SLC18B1: variants seen among roughly 807,000 people sequenced by gnomAD.
The protein encoded by SLC18B1 is MFS-type transporter SLC18B1.
In SLC18B1, 62 loss-of-function variants were observed where a neutral mutation model predicts 53.9. That is an observed-to-expected ratio of 1.15 (90% confidence interval 0.94 to 1.42). The LOEUF is 1.42. SLC18B1 is among the 40% of genes most tolerant of loss of function. The probability of loss-of-function intolerance (pLI) is 0.00; values close to 1 mark genes in which losing one functional copy is unlikely to be tolerated. For synonymous variants in SLC18B1, 217 were observed against 200.9 expected (o/e 1.08, Z -0.68); for missense variants, 598 against 547.3 (o/e 1.09, Z -0.93).
intron 4 of SLC18B1, among the ~76,000 whole-genome samples, chr6:132,788,489 G>T (rs894559720): frequency 6.6e-6 from 1 of 151,894 alleles, no homozygotes; most frequent in African/African-American, 2.4e-5. Flanking sequence ...TGATATAACT[G>T]GTCCCCCAGA....
At chr6:132,788,828 G>GAAAAAAAAAA (rs1158922120) in intron 4 of SLC18B1, among the ~76,000 whole-genome samples, 1 of 70,256 alleles carries the variant, frequency 1.4e-5, no homozygotes, top group Non-Finnish European at 3.2e-5. Context: ...ATCTCAAAAA[G>GAAAAAAAAAA]AAAAAAAAAA....
Position 132,774,241 on chromosome 6 carries a change from G to T in SLC18B1, c.970C>A (p.Pro324Thr). 3 of 1,608,172 alleles carry T rather than the reference G, an allele frequency of 1.9e-6. No homozygotes were observed. Among genetic ancestry groups the T allele is most frequent in the Non-Finnish European group, 2.5e-6 (3 of 1,176,988 alleles). Residue 324 changes from proline (P) to threonine (T), a missense_variant, in exon 9 of 14, where the codon CCA becomes ACA. By Grantham distance (38) the Pro-to-Thr change is conservative. Transcript: ENST00000275227. ...AGCYMLLGPV[P>T]ILHIKSQLWL... is the part of the protein sequence containing the mutation. ...AATTACCTTTTAATATGCAAGATTG[G>T]GACAGGCCCTAAGAGCATGTAGCAC...
At chr6:132,787,944 G>A (rs1238771132) in intron 4 of SLC18B1, among the ~76,000 whole-genome samples, 1 of 151,856 alleles carries the variant, frequency 6.6e-6, no homozygotes, top group African/African-American at 2.4e-5. Flanking sequence ...GGCAAATCAC[G>A]AAGTCAGGAG....
In SLC18B1 at chr6:132,770,230, A is replaced by G. The variant is rs1294704020; in HGVS notation, c.*40T>C. On this transcript the variant is annotated 3_prime_UTR_variant, in exon 14 of 14. Transcript: ENST00000275227. ...TACGGTGATGTTTAAGGCCAGGAGCATTCATTTCTCAACCTTGTATCAATC... is the reference window on the plus strand; with the variant it reads ...TACGGTGATGTTTAAGGCCAGGAGCGTTCATTTCTCAACCTTGTATCAATC... The G allele has an allele frequency of 1.3e-6, 2 of 1,540,160 alleles. No individual in the cohort carries two copies. The highest frequency in any genetic ancestry group is 2.2e-5 in the East Asian group (1 of 44,500).
At chr6:132,792,640 A>G (rs1781580370) in intron 2 of SLC18B1, among the ~76,000 whole-genome samples, 1 of 152,170 alleles carries the variant, frequency 6.6e-6, no homozygotes, top group Admixed American at 6.5e-5. Flanking sequence ...AGATGAGGAC[A>G]GGAACTTGCA....
chr6:132,783,479 T>C (rs114229453), intron 6 of SLC18B1, among the ~76,000 whole-genome samples: 1 of 152,134 alleles, frequency 6.6e-6, no homozygotes, highest in African/African-American at 2.4e-5. Context: ...TCTGGCCCAG[T>C]TTATAATTTT....
At position 132,784,385 on chromosome 6, in the gene SLC18B1, T is replaced by A. The variant is rs570438210; in HGVS notation, c.502-296A>T. 2.1e-3 allele frequency among the ~76,000 whole-genome samples: 321 copies of A among 151,376 alleles called. 3 individuals are homozygous for A. The highest frequency in any genetic ancestry group is 7.4e-3 in the African/African-American group (305 of 41,260). Reference sequence around the variant, plus strand: ...AATACGAAAACTATGCATAAAAAAATCAAAAGATAAATGAAGAACAGAGAA... The same window carrying A: ...AATACGAAAACTATGCATAAAAAAAACAAAAGATAAATGAAGAACAGAGAA... On this transcript the variant is annotated intron_variant, in intron 5 of 13. Coordinates refer to ENST00000275227, the MANE Select transcript of SLC18B1 (RefSeq NM_052831.3).
intron 7 of SLC18B1, among the ~76,000 whole-genome samples, chr6:132,778,354 ACT>A (rs1486939203): frequency 6.6e-6 from 1 of 151,908 alleles, no homozygotes; most frequent in African/African-American, 2.4e-5. Flanking sequence ...ATATTATAAT[ACT>A]CTCTAAATCT....
intron 4 of SLC18B1, among the ~76,000 whole-genome samples, chr6:132,788,828 GAAA>G (rs1158922120): frequency 1.4e-5 from 1 of 70,270 alleles, no homozygotes; most frequent in Non-Finnish European, 3.2e-5. Flanking sequence ...ATCTCAAAAA[GAAA>G]AAAAAAAAAA....
At chr6:132,795,180 A>C (rs1582875561) in intron 2 of SLC18B1, among the ~76,000 whole-genome samples, 1 of 151,010 alleles carries the variant, frequency 6.6e-6, no homozygotes, top group Non-Finnish European at 1.5e-5. Flanking sequence ...AAAAAAAAAA[A>C]CAGTCTTATA....
chr6:132,796,390 G>A (rs754511710), intron 2 of SLC18B1, among the ~76,000 whole-genome samples: 67 of 146,692 alleles, frequency 4.6e-4, no homozygotes, highest in Middle Eastern at 3.4e-3. Flanking sequence ...CCCGGACGTG[G>A]TGGTAGGCGC....
intron 3 of SLC18B1, 80 bp from the exon 4 acceptor site, chr6:132,789,917 G>T: frequency 1.1e-6 from 1 of 938,214 alleles, no homozygotes; most frequent in Non-Finnish European, 1.7e-6. Flanking sequence ...CACTGTATTG[G>T]CAAATATAGG....
chr6:132,777,875 A>G (rs771807241), intron 7 of SLC18B1, among the ~76,000 whole-genome samples: 14 of 152,240 alleles, frequency 9.2e-5, no homozygotes, highest in Non-Finnish European at 1.6e-4. Flanking sequence ...TGTCAGTATA[A>G]TCATAAAACA....
At chr6:132,772,315 C>T (rs895148995) in intron 10 of SLC18B1, 109 bp from the exon 11 acceptor site, 4 of 608,368 alleles carry the variant, frequency 6.6e-6, no homozygotes, top group Non-Finnish European at 8.2e-6. Flanking sequence ...TGGAAAAAAA[C>T]CAACAGCAAG....
At chr6:132,777,138 G>C (rs1338907502) in intron 7 of SLC18B1, among the ~76,000 whole-genome samples, 2 of 152,022 alleles carry the variant, frequency 1.3e-5, no homozygotes, top group Admixed American at 6.6e-5. Flanking sequence ...GGAGAATCGA[G>C]GTGGAGGCAG....
intron 2 of SLC18B1, among the ~76,000 whole-genome samples, chr6:132,792,225 C>CAAGAGAGAAAGAAAGAA (rs553756627): frequency 6.7e-5 from 3 of 44,538 alleles, no homozygotes; most frequent in African/African-American, 2.3e-4. Flanking sequence ...AAGACACTGT[C>CAAGAGAGAAAGAAAGAA]AGAAAGAAAG....
intron 7 of SLC18B1, among the ~76,000 whole-genome samples, chr6:132,777,439 T>G (rs1324553890): frequency 6.6e-6 from 1 of 152,082 alleles, no homozygotes; most frequent in African/African-American, 2.4e-5. Flanking sequence ...ACGGGCCAGG[T>G]GCGGTGGCTC....
chr6:132,793,000 A>G (rs2114687300), intron 2 of SLC18B1, among the ~76,000 whole-genome samples: 1 of 152,320 alleles, frequency 6.6e-6, no homozygotes, highest in Admixed American at 6.5e-5. Flanking sequence ...GCGCGCCTGT[A>G]ATCCCAGCTA....
At chr6:132,796,899 C>A in intron 2 of SLC18B1, 83 bp downstream of exon 2, 1 of 1,411,946 alleles carries the variant, frequency 7.1e-7, no homozygotes. Flanking sequence ...ATTTTATATA[C>A]TATAAAATAA....
Sources: allele counts gnomAD v4.1 joint callset (sites outside exome capture counted in the v4.1 genomes callset), GRCh38; gene constraint gnomAD v4.1.1; transcripts MANE v1.5; gene names NCBI Gene and HGNC (gene_info 2026-07-23, HGNC 2026-07-21).